The following SEMA5A variants were observed in gnomAD, a reference collection of about 807,000 sequenced individuals.
SEMA5A encodes semaphorin-5A.
SEMA5A carries 55 observed loss-of-function variants against 135.5 expected under a neutral mutation model. The observed-to-expected ratio is 0.41, with a 90% CI of 0.33 to 0.51. The LOEUF is 0.51. Ranked by LOEUF, SEMA5A falls within the 20% of genes least tolerant of loss-of-function variation. SEMA5A has a pLI of 0.37. For missense variants in SEMA5A, 1,290 were observed against 1,419.9 expected, an observed-to-expected ratio of 0.91 and a Z score of 1.47; for synonymous variants, 580 against 546.5, an observed-to-expected ratio of 1.06 and a Z score of -0.85.
At chr5:9,286,725 T>TACAC (rs10555387) in intron 5 of SEMA5A, among the ~76,000 whole-genome samples, 34 of 151,018 alleles carry the variant, frequency 2.3e-4, no homozygotes, top group African/African-American at 7.8e-4. Flanking sequence ...TATACACACA[T>TACAC]ACACACACAC....
chr5:9,420,575 TC>T (rs1410054508), intron 2 of SEMA5A, among the ~76,000 whole-genome samples: 1 of 152,172 alleles, frequency 6.6e-6, no homozygotes, highest in Admixed American at 6.5e-5. Flanking sequence ...GAAACATGAT[TC>T]CTAACATAAG....
intron 5 of SEMA5A, among the ~76,000 whole-genome samples, chr5:9,245,216 C>T (rs1323808801): frequency 2.0e-5 from 3 of 152,082 alleles, no homozygotes; most frequent in African/African-American, 7.2e-5. Flanking sequence ...TAAAGGATCC[C>T]TTTGTCTGGA....
At chr5:9,365,066 G>A (rs1024968373) in intron 3 of SEMA5A, among the ~76,000 whole-genome samples, 1 of 152,116 alleles carries the variant, frequency 6.6e-6, no homozygotes, top group South Asian at 2.1e-4. Context: ...TTATCACAGG[G>A]GAGACAGACA....
chr5:9,417,446 C>T (rs1757319854), intron 2 of SEMA5A, among the ~76,000 whole-genome samples: 1 of 152,190 alleles, frequency 6.6e-6, no homozygotes, highest in South Asian at 2.1e-4. Flanking sequence ...GTACATTTTT[C>T]TTTCAACTAT....
At chr5:9,399,900 T>C (rs1756574500) in intron 2 of SEMA5A, among the ~76,000 whole-genome samples, 1 of 152,006 alleles carries the variant, frequency 6.6e-6, no homozygotes, top group Admixed American at 6.6e-5. Context: ...TAGCTTGACA[T>C]AGATGGTGAA....
intron 5 of SEMA5A, among the ~76,000 whole-genome samples, chr5:9,284,502 G>A (rs1483629990): frequency 6.6e-6 from 1 of 152,152 alleles, no homozygotes; most frequent in Non-Finnish European, 1.5e-5. Context: ...CAGCATATAA[G>A]GAAAGATGGC....
chr5:9,137,976 T>G (rs879656564), intron 12 of SEMA5A, among the ~76,000 whole-genome samples: 8 of 152,104 alleles, frequency 5.3e-5, no homozygotes, highest in Non-Finnish European at 1.2e-4. Context: ...AAAGATCGAT[T>G]TGAAGGCTGT....
At position 9,430,012 on chromosome 5, in the gene SEMA5A, G is replaced by A. The variant is rs1395092932; in HGVS notation, c.-78+7744C>T. On this transcript the variant is annotated intron_variant, in intron 2 of 22. Transcript: ENST00000382496. ...ACGGCCGGAAGACCTGAGAACTCAC[G>A]GGGACCAAGTTGCTGGGAGCTTAGC... 5.3e-5 allele frequency among the ~76,000 whole-genome samples: 8 copies of A among 152,184 alleles called. No homozygotes were observed. In the East Asian group the frequency reaches 7.7e-4, roughly 15 times the overall value.
chr5:9,366,392 CTTT>C (rs571166909), intron 3 of SEMA5A, among the ~76,000 whole-genome samples: 4 of 142,004 alleles, frequency 2.8e-5, no homozygotes, highest in Non-Finnish European at 1.6e-5. Flanking sequence ...ATAAAGAATT[CTTT>C]TTTTTTTTTT....
chr5:9,435,421 G>C (rs1032269833), intron 2 of SEMA5A, among the ~76,000 whole-genome samples: 1 of 152,058 alleles, frequency 6.6e-6, no homozygotes, highest in African/African-American at 2.4e-5. Context: ...AATTTAGGTG[G>C]GACTTAGACT....
chr5:9,167,055 T>C (rs946546318), intron 11 of SEMA5A, among the ~76,000 whole-genome samples: 4 of 152,194 alleles, frequency 2.6e-5, no homozygotes, highest in African/African-American at 9.7e-5. Context: ...GAGAAAAATC[T>C]ATGCTAAGCA....
intron 9 of SEMA5A, among the ~76,000 whole-genome samples, chr5:9,198,307 A>C (rs1375308935): frequency 6.6e-6 from 1 of 152,180 alleles, no homozygotes; most frequent in Non-Finnish European, 1.5e-5. Flanking sequence ...CCATTCATTT[A>C]ATCCTCATAA....
chr5:9,353,568 C>T lies in SEMA5A; in HGVS notation c.125-15756G>A, dbSNP rs761289634. ...GATTAGCTTAGAAAGAGCCCCTAAT[C>T]GTTCACCAGATATCATATATCTGGT... On this transcript the variant is annotated intron_variant, in intron 3 of 22. Transcript: ENST00000382496. 1.4e-4 allele frequency among the ~76,000 whole-genome samples: 21 copies of T among 152,248 alleles called. 1 individual carries two copies. The South Asian group carries it at 1.7e-3, about 12-fold the overall frequency.
chr5:9,220,332 C>T (rs1211934122), intron 8 of SEMA5A, among the ~76,000 whole-genome samples: 2 of 151,996 alleles, frequency 1.3e-5, no homozygotes, highest in Admixed American at 6.6e-5. Flanking sequence ...CAAAAACCAC[C>T]TGTGCCCCAG....
chr5:9,301,086 T>A (rs188214441), intron 5 of SEMA5A, among the ~76,000 whole-genome samples: 3 of 152,344 alleles, frequency 2.0e-5, no homozygotes, highest in Admixed American at 2.0e-4. Context: ...TGGCCAGAAC[T>A]GACTGGTTTA....
At chr5:9,166,191 C>T (rs1302804364) in intron 11 of SEMA5A, among the ~76,000 whole-genome samples, 3 of 152,058 alleles carry the variant, frequency 2.0e-5, no homozygotes, top group Non-Finnish European at 2.9e-5. Context: ...TCTGGAGACC[C>T]GGCACTAGGG....
rs140766523 is a variant in SEMA5A, at chr5:9,410,445, T to C, written c.-78+27311A>G. ...CATTCAACAGTCAATCTCCGCAGGATTGGGATTTTCATTTCACGTGTCTTT... is the reference window on the plus strand; with the variant it reads ...CATTCAACAGTCAATCTCCGCAGGACTGGGATTTTCATTTCACGTGTCTTT... On this transcript the variant is annotated intron_variant, in intron 2 of 22. Transcript: ENST00000382496. Among the ~76,000 whole-genome samples, 235 of 152,300 alleles carry C rather than the reference T, an allele frequency of 1.5e-3. 1 individual carries two copies. The highest frequency in any genetic ancestry group is 5.5e-3 in the African/African-American group (229 of 41,568).
intron 13 of SEMA5A, among the ~76,000 whole-genome samples, chr5:9,129,526 A>G (rs1186551062): frequency 6.6e-6 from 1 of 152,246 alleles, no homozygotes; most frequent in Non-Finnish European, 1.5e-5. Flanking sequence ...CTGCCTAGAA[A>G]GCAGATCCAT....
At chr5:9,193,895 T>A (rs1745247310) in intron 10 of SEMA5A, among the ~76,000 whole-genome samples, 1 of 152,150 alleles carries the variant, frequency 6.6e-6, no homozygotes, top group Non-Finnish European at 1.5e-5. Context: ...AGACTCTGTC[T>A]CAAAAACAAA....
Sources: gnomAD v4.1 joint callset for allele counts (sites outside exome capture counted in the v4.1 genomes callset) on GRCh38, gnomAD v4.1.1 for gene constraint, MANE v1.5 for transcripts, NCBI Gene and HGNC (gene_info 2026-07-23, HGNC 2026-07-21) for gene names.